RBMS3: variants seen among roughly 807,000 people sequenced by gnomAD.
The protein encoded by RBMS3 is RNA-binding motif, single-stranded-interacting protein 3.
In RBMS3, 27 loss-of-function variants were observed where a neutral mutation model predicts 66.8. The observed-to-expected ratio is 0.40, with a 90% CI of 0.30 to 0.56. The LOEUF (loss-of-function observed/expected upper bound fraction) is 0.56, where lower values mean the gene tolerates loss of function less well. RBMS3 is among the 20% of genes least tolerant of loss of function. RBMS3 has a pLI of 0.40. For synonymous variants in RBMS3, 188 were observed against 183.0 expected, an observed-to-expected ratio of 1.03 and a Z score of -0.22; for missense variants, 513 against 549.5, an observed-to-expected ratio of 0.93 and a Z score of 0.66.
At chr3:29,795,885 T>A (rs577313184) in intron 6 of RBMS3, among the ~76,000 whole-genome samples, 2 of 152,328 alleles carry the variant, frequency 1.3e-5, no homozygotes, top group African/African-American at 4.8e-5. Context: ...ATGGATTTAG[T>A]AGCTGCAATG....
At position 30,007,236 on chromosome 3, in the gene RBMS3, A is replaced by G. The variant is rs1289496630; in HGVS notation, c.*3374A>G. ...AGACAACAGAATTCAAATTTAATCA[A>G]CAAAATATATTGTAGTGATTTGTTT... On this transcript the variant is annotated 3_prime_UTR_variant, in exon 15 of 15. Transcript: ENST00000383767. 2 of 152,060 alleles carry G rather than the reference A, an allele frequency of 1.3e-5. No homozygotes were observed. Among genetic ancestry groups the G allele is most frequent in the Non-Finnish European group, 2.9e-5 (2 of 67,948 alleles). 9.4% of individuals were successfully genotyped at this position (152,060 alleles called of 1,614,324 possible).
intron 1 of RBMS3, among the ~76,000 whole-genome samples, chr3:29,352,213 A>T (rs2036959317): frequency 6.6e-6 from 1 of 152,026 alleles, no homozygotes; most frequent in African/African-American, 2.4e-5. Flanking sequence ...TCTTTTTTTG[A>T]GACAAATATT....
chr3:29,897,406 A>G lies in RBMS3; in HGVS notation c.819A>G (p.Ala273=). Residue 273 remains alanine, a synonymous_variant, in exon 9 of 15, where the codon GCA becomes GCG. Transcript: ENST00000383767. Reference sequence around the variant, plus strand: ...TTTATTCTTCACCGTACAGTATTGCAACCAACCGCATGATTCCACAGACAT... The same window carrying G: ...TTTATTCTTCACCGTACAGTATTGCGACCAACCGCATGATTCCACAGACAT... ...NGFYSSPYSI[A]TNRMIPQTSI... is the part of the protein sequence containing the mutation. 6.2e-7 allele frequency: 1 copy of G among 1,611,058 alleles called. No individual in the cohort carries two copies. Among genetic ancestry groups the G allele is most frequent in the African/African-American group, 1.3e-5 (1 of 74,752 alleles).
At chr3:29,967,575 G>A (rs918953947) in intron 12 of RBMS3, among the ~76,000 whole-genome samples, 3 of 152,158 alleles carry the variant, frequency 2.0e-5, no homozygotes, top group East Asian at 1.9e-4. Flanking sequence ...GATTACAGGC[G>A]TGAGCCACTG....
At chr3:29,797,724 T>G (rs1576832804) in intron 6 of RBMS3, 1 of 152,302 alleles carries the variant, frequency 6.6e-6, no homozygotes, top group East Asian at 1.9e-4. Flanking sequence ...ATATTATTCC[T>G]TCTAGGCATA....
chr3:29,846,863 G>T (rs759523084), intron 6 of RBMS3, among the ~76,000 whole-genome samples: 3 of 152,132 alleles, frequency 2.0e-5, no homozygotes, highest in Admixed American at 2.0e-4. Context: ...GGTTTGTATA[G>T]CTTCCTTGTT....
intron 1 of RBMS3, among the ~76,000 whole-genome samples, chr3:29,365,363 A>G (rs2037840392): frequency 6.6e-6 from 1 of 151,952 alleles, no homozygotes. Flanking sequence ...ATTGCCATTC[A>G]ATTTAAGAAA....
At chr3:29,609,676 T>C (rs1289105925) in intron 4 of RBMS3, among the ~76,000 whole-genome samples, 2 of 152,030 alleles carry the variant, frequency 1.3e-5, no homozygotes, top group Non-Finnish European at 2.9e-5. Flanking sequence ...AAAGGCCTGA[T>C]ACATGGTAGA....
intron 4 of RBMS3, among the ~76,000 whole-genome samples, chr3:29,739,124 G>T (rs780670408): frequency 3.3e-5 from 5 of 152,116 alleles, no homozygotes; most frequent in Non-Finnish European, 5.9e-5. Context: ...TAATAAAAAA[G>T]AATATACACA....
intron 3 of RBMS3, among the ~76,000 whole-genome samples, chr3:29,517,205 C>T (rs930066776): frequency 2.0e-5 from 3 of 149,848 alleles, no homozygotes; most frequent in Non-Finnish European, 4.4e-5. Context: ...ACAGCGAGAC[C>T]ATGTCTCTAA....
intron 12 of RBMS3, among the ~76,000 whole-genome samples, chr3:29,954,549 A>G (rs867280156): frequency 7.9e-5 from 12 of 151,982 alleles, no homozygotes; most frequent in Non-Finnish European, 1.3e-4. Flanking sequence ...GAACCATATG[A>G]TTTAATATTA....
At chr3:29,811,773 A>T (rs2149459517) in intron 6 of RBMS3, among the ~76,000 whole-genome samples, 1 of 152,292 alleles carries the variant, frequency 6.6e-6, no homozygotes, top group Middle Eastern at 3.4e-3. Context: ...CCATTAGGAT[A>T]AAGATGAGTG....
At chr3:29,952,825 G>C (rs559648795) in intron 12 of RBMS3, among the ~76,000 whole-genome samples, 7 of 151,810 alleles carry the variant, frequency 4.6e-5, no homozygotes, top group African/African-American at 1.7e-4. Flanking sequence ...CTAGCAGTTT[G>C]CCCAAGAGAC....
intron 3 of RBMS3, among the ~76,000 whole-genome samples, chr3:29,548,817 CA>C (rs1165783718): frequency 2.0e-5 from 3 of 151,704 alleles, no homozygotes; most frequent in Non-Finnish European, 2.9e-5. Flanking sequence ...ACTCTTAACC[CA>C]ATATTTCTAC....
chr3:29,939,866 T>C (rs905762914), intron 11 of RBMS3, among the ~76,000 whole-genome samples: 1 of 151,856 alleles, frequency 6.6e-6, no homozygotes, highest in Non-Finnish European at 1.5e-5. Context: ...ACTTGCTACA[T>C]ATCTCCATGG....
At chr3:29,678,847 T>G (rs2051366921) in intron 4 of RBMS3, among the ~76,000 whole-genome samples, 1 of 152,088 alleles carries the variant, frequency 6.6e-6, no homozygotes, top group African/African-American at 2.4e-5. Flanking sequence ...CCCCTCCATT[T>G]TATTGAGATC....
chr3:29,911,291 A>G (rs1481326015), intron 10 of RBMS3, among the ~76,000 whole-genome samples: 1 of 152,058 alleles, frequency 6.6e-6, no homozygotes, highest in Non-Finnish European at 1.5e-5. Context: ...GCTGGTGAAC[A>G]TCTAAGAGAA....
chr3:29,339,589 T>G (rs1289822846), intron 1 of RBMS3, among the ~76,000 whole-genome samples: 1 of 151,878 alleles, frequency 6.6e-6, no homozygotes, highest in African/African-American at 2.4e-5. Flanking sequence ...CTTTTTTTTT[T>G]TTTTAAGAAG....
chr3:29,325,665 T>C (rs7635970), intron 1 of RBMS3, among the ~76,000 whole-genome samples: 70,345 of 132,576 alleles, frequency 0.53, 17,296 homozygotes, highest in East Asian at 0.87. Context: ...CACACACACA[T>C]ACACACACAT....
Sources: allele counts gnomAD v4.1 joint callset (sites outside exome capture counted in the v4.1 genomes callset), GRCh38; gene constraint gnomAD v4.1.1; transcripts MANE v1.5; gene names NCBI Gene and HGNC (gene_info 2026-07-23, HGNC 2026-07-21).